Variants in MAPK6 observed in about 807,000 individuals in gnomAD.
MAPK6 encodes the protein ERK-3.
MAPK6 carries 19 observed loss-of-function variants against 59.3 expected under a neutral mutation model. The observed-to-expected ratio is 0.32, with a 90% confidence interval of 0.22 to 0.47. The LOEUF is 0.47. Among genes scored for constraint, MAPK6 ranks in the 20% least tolerant of loss-of-function variants. The pLI is 1.00. For missense variants in MAPK6, 724 were observed against 847.9 expected (o/e 0.85, Z 1.81); for synonymous variants, 316 against 290.3 (o/e 1.09, Z -0.90).
At chr15:51,998,708 T>TTTTTTTTTTTTTTTTTTTTTAG (rs71130113) in intron 2 of MAPK6, among the ~76,000 whole-genome samples, 1 of 122,550 alleles carries the variant, frequency 8.2e-6, no homozygotes, top group East Asian at 2.4e-4. Context: ...TTTTTTTTTT[T>TTTTTTTTTTTTTTTTTTTTTAG]GAGACGGAGT....
chr15:51,987,735 G>T (rs2057195414), intron 2 of MAPK6, among the ~76,000 whole-genome samples: 1 of 149,318 alleles, frequency 6.7e-6, no homozygotes, highest in Non-Finnish European at 1.5e-5. Flanking sequence ...CTTACTCGTA[G>T]ATTTGATCAC....
At chr15:52,031,376 G>C (rs773853621) in intron 1 of MAPK6, among the ~76,000 whole-genome samples, 13 of 152,158 alleles carry the variant, frequency 8.5e-5, no homozygotes, top group Non-Finnish European at 1.8e-4. Context: ...TCAAATCCTG[G>C]CTCTCTCATT....
intron 1 of MAPK6, among the ~76,000 whole-genome samples, chr15:51,981,942 G>C (rs575590207): frequency 1.1e-4 from 17 of 152,132 alleles, no homozygotes; most frequent in Admixed American, 7.9e-4. Flanking sequence ...AAAGGGAAAG[G>C]AGTGACAGAA....
intron 1 of MAPK6, among the ~76,000 whole-genome samples, chr15:51,982,741 A>G (rs780807534): frequency 1.3e-5 from 2 of 152,240 alleles, no homozygotes; most frequent in Admixed American, 6.5e-5. Context: ...TTTTTCAACT[A>G]TAGGCACTCT....
intron 2 of MAPK6, among the ~76,000 whole-genome samples, chr15:52,003,781 C>T (rs2057249708): frequency 6.6e-6 from 1 of 152,152 alleles, no homozygotes; most frequent in Non-Finnish European, 1.5e-5. Flanking sequence ...AAGAAAGGAG[C>T]ATGATGTTGA....
intron 1 of MAPK6, among the ~76,000 whole-genome samples, chr15:52,045,269 C>G (rs929894416): frequency 2.6e-5 from 4 of 152,106 alleles, no homozygotes; most frequent in African/African-American, 9.7e-5. Context: ...CTGAAATGTT[C>G]TCTTAAGGTA....
intron 1 of MAPK6, among the ~76,000 whole-genome samples, chr15:52,020,234 T>C (rs1338832164): frequency 6.6e-6 from 1 of 152,248 alleles, no homozygotes; most frequent in Non-Finnish European, 1.5e-5. Context: ...AAAGGTGTTT[T>C]GGCATCCTTT....
chr15:52,064,416 G>T lies in MAPK6; in HGVS notation c.1582G>T (p.Asp528Tyr). Residue 528 changes from aspartate to tyrosine, a missense_variant, in exon 6 of 6, where the codon GAT becomes TAT. Transcript: ENST00000261845. ...GGAAAAGAATCAGGGATTTGATTTT[G>T]ATTCCTTTATTGCAGGAACTATTCA... ...EREKNQGFDF[D>Y]SFIAGTIQLS... The T allele has an allele frequency of 6.2e-7, 1 of 1,611,816 alleles. No individual in the cohort carries two copies. Among genetic ancestry groups the T allele is most frequent in the Admixed American group, 1.7e-5 (1 of 59,998 alleles).
At position 51,985,715 on chromosome 15, in the gene MAPK6, T is replaced by C. The variant is rs148600660; in HGVS notation, c.-770+2400T>C. Among the ~76,000 whole-genome samples, 425 of 152,004 alleles carry C rather than the reference T, an allele frequency of 2.8e-3. 3 individuals carry two copies. Among genetic ancestry groups the C allele is most frequent in the East Asian group, 0.026 (136 of 5,180 alleles). On this transcript the variant is annotated intron_variant, in intron 2 of 7. Coordinates refer to the MAPK6 transcript ENST00000691380. ...GGCTCACGCCTGTAATCCTAACACT[T>C]TGGGAGGCCGAGGCGGGCAGATCAC...
intron 3 of MAPK6, among the ~76,000 whole-genome samples, chr15:52,051,349 A>G (rs748631318): frequency 6.6e-5 from 10 of 151,446 alleles, no homozygotes; most frequent in African/African-American, 1.5e-4. Flanking sequence ...GAGCCACCCC[A>G]CCAGGCCCTC....
At chr15:52,019,705 C>T (rs1256091722) in intron 1 of MAPK6, among the ~76,000 whole-genome samples, 1 of 149,964 alleles carries the variant, frequency 6.7e-6, no homozygotes, top group Non-Finnish European at 1.5e-5. Flanking sequence ...GTCGCCCTGC[C>T]AGGCCGCGCC....
intron 5 of MAPK6, among the ~76,000 whole-genome samples, chr15:52,063,460 G>T (rs1319217439): frequency 6.6e-6 from 1 of 152,118 alleles, no homozygotes; most frequent in Non-Finnish European, 1.5e-5. Flanking sequence ...TCAGCAGCAC[G>T]TATACACAGG....
intron 1 of MAPK6, among the ~76,000 whole-genome samples, chr15:52,039,538 C>G (rs1482899362): frequency 2.8e-5 from 3 of 107,196 alleles, no homozygotes; most frequent in Non-Finnish European, 5.3e-5. Context: ...TTTTTGAAGA[C>G]AGGGTCTCAC....
Position 52,064,900 on chromosome 15 carries a change from C to T in MAPK6, c.2066C>T (p.Pro689Leu). The part of the protein sequence containing the change: ...IPQFHSPVGS[P>L]LKSIQATLTP... ...CAGTTTCACAGTCCAGTTGGGTCAC[C>T]ACTTAAGTCAATACAGGCCACATTA... The change falls in exon 6 of 6, where the codon CCA (proline) becomes CTA (leucine). Residue 689 changes from proline to leucine, a missense_variant. Around this residue, in one of 4 missense-constraint regions of MAPK6, gnomAD observed 502 missense variants for 507.6 expected, o/e 0.99. Transcript: ENST00000261845. 1 of 1,611,964 alleles carries T rather than the reference C, an allele frequency of 6.2e-7. No homozygotes were observed. Among genetic ancestry groups the T allele is most frequent in the Non-Finnish European group, 8.5e-7 (1 of 1,179,826 alleles).
At chr15:52,035,225 G>GCTT (rs1258271055) in intron 1 of MAPK6, among the ~76,000 whole-genome samples, 1 of 152,198 alleles carries the variant, frequency 6.6e-6, no homozygotes, top group Non-Finnish European at 1.5e-5. Flanking sequence ...TTTATTCCAT[G>GCTT]CTTCCTGTCT....
At chr15:52,025,339 A>G (rs1221224015) in intron 1 of MAPK6, among the ~76,000 whole-genome samples, 1 of 152,224 alleles carries the variant, frequency 6.6e-6, no homozygotes, top group Admixed American at 6.5e-5. Context: ...TTCTGAAAAA[A>G]GTCAAATGGA....
chr15:51,989,598 T>C (rs1240637964), intron 2 of MAPK6, among the ~76,000 whole-genome samples: 1 of 151,974 alleles, frequency 6.6e-6, no homozygotes, highest in African/African-American at 2.4e-5. Context: ...TTAAAATATT[T>C]ATTATTTTTT....
chr15:51,987,207 T>C (rs1366897293), intron 2 of MAPK6, among the ~76,000 whole-genome samples: 1 of 152,200 alleles, frequency 6.6e-6, no homozygotes, highest in Non-Finnish European at 1.5e-5. Context: ...ACTTTTATAA[T>C]GCAAAAAGAA....
In MAPK6 at chr15:52,030,911, C is replaced by A. The variant is rs534012404; in HGVS notation, c.-632+11535C>A. ...GGTTCAAGCAATTCTCGTGCCTCAG[C>A]CTCCTGAGTGGCTGGGATTACAGGC... On this transcript the variant is annotated intron_variant, in intron 1 of 5. Transcript: ENST00000261845. Among the ~76,000 whole-genome samples the A allele has an allele frequency of 2.0e-5, 3 of 151,936 alleles. No individual in the cohort carries two copies. In the East Asian group the frequency reaches 5.8e-4, roughly 29 times the overall value.
Sources: allele counts gnomAD v4.1 joint callset (sites outside exome capture counted in the v4.1 genomes callset), GRCh38; gene constraint gnomAD v4.1.1; regional missense constraint gnomAD v4.1.1; transcripts MANE v1.5; gene names NCBI Gene and HGNC (gene_info 2026-07-23, HGNC 2026-07-21).